WRN: variants seen among roughly 807,000 people sequenced by gnomAD.
WRN encodes the protein bifunctional 3'-5' exonuclease/ATP-dependent helicase WRN.
In WRN, 149 loss-of-function variants were observed where a neutral mutation model predicts 180.7. The observed-to-expected ratio is 0.82, with a 90% CI of 0.72 to 0.94. The LOEUF (loss-of-function observed/expected upper bound fraction) is 0.94. WRN is among the 40% of genes least tolerant of loss of function. The pLI is 0.00. For missense variants in WRN, 1,661 were observed against 1,700.1 expected (o/e 0.98, Z 0.40); for synonymous variants, 548 against 568.9 (o/e 0.96, Z 0.52).
chr8:31,120,528 A>T, intron 21 of WRN, 104 bp downstream of exon 21: 26 of 1,019,290 alleles, frequency 2.6e-5, no homozygotes, highest in Non-Finnish European at 3.5e-5. Context: ...GTAATTTGTG[A>T]GTGCATTTAA....
Position 31,147,424 on chromosome 8 carries a change from C to T in WRN, c.3520C>T (p.Pro1174Ser). ...GAAACATGCCAATAAAATGGATGTT[C>T]CCCCAGCTATTCTGGCAACAAACAA... ...RQKHANKMDVPPAILATNKIL... is the reference protein window; with the variant it reads ...RQKHANKMDVSPAILATNKIL... The change falls in exon 30 of 35, where the codon CCC (proline) becomes TCC (serine). Residue 1174 changes from proline to serine, a missense_variant. By Grantham distance (74) the Pro-to-Ser change is moderately conservative. Coordinates refer to ENST00000298139, the MANE Select transcript of WRN (RefSeq NM_000553.6). The T allele has an allele frequency of 1.2e-6, 2 of 1,613,990 alleles. No homozygotes were observed. Among genetic ancestry groups the T allele is most frequent in the Non-Finnish European group, 1.7e-6 (2 of 1,179,960 alleles).
chr8:31,043,943 T>C (rs1260990464), intron 1 of WRN, among the ~76,000 whole-genome samples: 1 of 151,740 alleles, frequency 6.6e-6, no homozygotes, highest in Non-Finnish European at 1.5e-5. Flanking sequence ...TTGCAAAATA[T>C]CTGATTTTTC....
At chr8:31,125,026 C>T in intron 23 of WRN, 26 bp downstream of exon 23, 3 of 1,589,904 alleles carry the variant, frequency 1.9e-6, no homozygotes, top group African/African-American at 1.3e-5. Context: ...TATAGATGGA[C>T]ATTCTAAAAG....
At chr8:31,105,880 G>A (rs995160546) in intron 18 of WRN, among the ~76,000 whole-genome samples, 18 of 152,280 alleles carry the variant, frequency 1.2e-4, no homozygotes, top group Middle Eastern at 3.4e-3. Context: ...ATTTGGTGTT[G>A]TCACTATTAG....
At chr8:31,153,448 T>C (rs1477177712) in intron 31 of WRN, among the ~76,000 whole-genome samples, 1 of 152,184 alleles carries the variant, frequency 6.6e-6, no homozygotes, top group Non-Finnish European at 1.5e-5. Context: ...GCAGCTATTA[T>C]GAAGCTGTAA....
At chr8:31,132,301 CTT>C in intron 23 of WRN, 62 bp from the exon 24 acceptor site, 2 of 1,564,730 alleles carry the variant, frequency 1.3e-6, no homozygotes, top group Admixed American at 1.9e-5. Context: ...TATGCTAAAT[CTT>C]TTGATTTCTA....
Position 31,174,725 on chromosome 8 carries a change from T to TTCC in WRN, c.*1637_*1639dup, listed in dbSNP as rs201575213. On this transcript the variant is annotated 3_prime_UTR_variant, in exon 35 of 35. Coordinates refer to ENST00000298139, the MANE Select transcript of WRN (RefSeq NM_000553.6). Reference sequence around the variant, plus strand: ...CTTCTCCTTCTTCCTTCTTCCTTCCTTCCTCCTCCTCCTCCTTCTTCTTCC... The same window carrying TTCC: ...CTTCTCCTTCTTCCTTCTTCCTTCCTTCCTCCTCCTCCTCCTCCTTCTTCTTCC... 5.6e-3 allele frequency among the ~76,000 whole-genome samples: 852 copies of TTCC among 151,520 alleles called. 6 individuals carry two copies. The highest frequency in any genetic ancestry group is 9.2e-3 in the Non-Finnish European group (624 of 67,822).
intron 8 of WRN, among the ~76,000 whole-genome samples, chr8:31,078,945 G>A (rs932837952): frequency 1.3e-5 from 2 of 152,148 alleles, no homozygotes; most frequent in African/African-American, 4.8e-5. Context: ...TAGTCAATCT[G>A]TGCCACTGTT....
chr8:31,113,667 C>T (rs1801407323), intron 19 of WRN, among the ~76,000 whole-genome samples: 1 of 152,122 alleles, frequency 6.6e-6, no homozygotes. Flanking sequence ...CTTTTTAAAG[C>T]AGTTTGCCTT....
intron 5 of WRN, among the ~76,000 whole-genome samples, chr8:31,066,678 A>G (rs1168916356): frequency 1.3e-5 from 2 of 151,998 alleles, no homozygotes; most frequent in African/African-American, 4.8e-5. Flanking sequence ...TATCAATTCC[A>G]TCACCTGTAT....
chr8:31,141,889 T>G, intron 26 of WRN, 114 bp downstream of exon 26: 1 of 999,138 alleles, frequency 1.0e-6, no homozygotes, highest in Admixed American at 2.0e-5. Context: ...CCTGTTTGTT[T>G]TTGTATGCCT....
chr8:31,157,425 C>G lies in WRN; in HGVS notation c.3877C>G (p.Gln1293Glu), dbSNP rs1803429007. 6.2e-7 allele frequency: 1 copy of G among 1,614,110 alleles called. No individual in the cohort carries two copies. Among genetic ancestry groups the G allele is most frequent in the South Asian group, 1.1e-5 (1 of 91,076 alleles). Residue 1293 changes from glutamine (Q) to glutamate (E), a missense_variant, in exon 33 of 35, where the codon CAA (glutamine) becomes GAA (glutamate). Gln to Glu is a conservative substitution (Grantham distance 29). Coordinates refer to ENST00000298139, the MANE Select transcript of WRN (RefSeq NM_000553.6). Reference sequence around the variant, plus strand: ...CATGACAATTGGCATGCACTTATCCCAAGCGGTGAAAGCTGGCTGCCCCCT... The same window carrying G: ...CATGACAATTGGCATGCACTTATCCGAAGCGGTGAAAGCTGGCTGCCCCCT... ...PLMTIGMHLS[Q>E]AVKAGCPLDL...
Position 31,124,917 on chromosome 8 carries a change from G to A in WRN, c.2742G>A (p.Leu914=), listed in dbSNP as rs1554529230. The change falls in exon 23 of 35, where the codon TTG becomes TTA. Residue 914 remains leucine, a synonymous_variant. Transcript: ENST00000298139. ...HSSRCRRQII[L]SHFEDKQVQK... ...ATTTTGTCTTGGGTAGAATCATCTT[G>A]TCTCATTTTGAGGACAAACAAGTAC... 1.2e-6 allele frequency: 2 copies of A among 1,612,724 alleles called. No homozygotes were observed. The highest frequency in any genetic ancestry group is 1.7e-6 in the Non-Finnish European group (2 of 1,179,280).
At chr8:31,077,850 G>C (rs1223234311) in intron 8 of WRN, among the ~76,000 whole-genome samples, 2 of 152,148 alleles carry the variant, frequency 1.3e-5, no homozygotes, top group Non-Finnish European at 2.9e-5. Context: ...TATCTCTGAA[G>C]AACAAAGAGA....
intron 1 of WRN, among the ~76,000 whole-genome samples, chr8:31,050,078 T>A (rs927204376): frequency 6.6e-6 from 1 of 152,094 alleles, no homozygotes; most frequent in African/African-American, 2.4e-5. Context: ...AAAGCAGAAT[T>A]TTCCAAATAA....
chr8:31,058,508 G>A lies in WRN; in HGVS notation c.61G>A (p.Val21Met), dbSNP rs1368307834. 6.2e-7 allele frequency: 1 copy of A among 1,613,704 alleles called. No homozygotes were observed. The highest frequency in any genetic ancestry group is 1.3e-5 in the African/African-American group (1 of 74,912). ...QQRKCPEWMNVQNKRCAVEER... is the reference protein window; with the variant it reads ...QQRKCPEWMNMQNKRCAVEER... ...GCGGAAATGTCCTGAATGGATGAAT[G>A]TGCAGAATAAAAGATGTGCTGTAGA... is the stretch of plus-strand genomic sequence containing the variant. The change falls in exon 2 of 35, where the codon GTG (valine) becomes ATG (methionine). Residue 21 changes from valine (V) to methionine (M), a missense_variant. Transcript: ENST00000298139.
chr8:31,149,455 GTTTTTTTTTTT>G (rs71208105), intron 30 of WRN, among the ~76,000 whole-genome samples: 1,031 of 51,820 alleles, frequency 0.02, 25 homozygotes, highest in African/African-American at 0.073. Flanking sequence ...TAATAGAGGT[GTTTTTTTTTTT>G]TTTTTTTTTT....
In WRN at chr8:31,090,884, A is replaced by C. The variant is rs1813722003; in HGVS notation, c.1771A>C (p.Ile591Leu). The C allele has an allele frequency of 1.2e-6, 2 of 1,612,924 alleles. 1 individual carries two copies. The highest frequency in any genetic ancestry group is 2.7e-5 in the African/African-American group (2 of 74,860). The change falls in exon 15 of 35, where the codon ATT becomes CTT. Residue 591 changes from isoleucine to leucine, a missense_variant. Coordinates refer to ENST00000298139, the MANE Select transcript of WRN (RefSeq NM_000553.6). ...GTATCCACCTGTTTATGTAGGCAAG[A>C]TTGGCCTTGTTATCTCTCCCCTTAT... Reference protein sequence around the residue: ...FQYPPVYVGKIGLVISPLISL... With the variant: ...FQYPPVYVGKLGLVISPLISL...
rs141563618 is a variant in WRN at position 31,111,640 on chromosome 8, C to T, written c.2114C>T (p.Thr705Ile). 2.4e-4 allele frequency: 392 copies of T among 1,614,036 alleles called. No homozygotes were observed. Among genetic ancestry groups the T allele is most frequent in the Non-Finnish European group, 3.1e-4 (365 of 1,179,964 alleles). ...PMVPIVALTATASSSIREDIV... is the reference protein window; with the variant it reads ...PMVPIVALTAIASSSIREDIV... ...GTTCCAATCGTTGCACTTACTGCTACTGCAAGTTCTTCAATCCGGGAAGAC... is the reference window on the plus strand; with the variant it reads ...GTTCCAATCGTTGCACTTACTGCTATTGCAAGTTCTTCAATCCGGGAAGAC... Residue 705 changes from threonine to isoleucine, a missense_variant, in exon 19 of 35, where the codon ACT (threonine) becomes ATT (isoleucine). Physicochemically the swap from Thr to Ile is moderately conservative, Grantham distance 89. Around this residue, in one of 3 missense-constraint regions of WRN, gnomAD observed 1,141 missense variants for 1,149.4 expected, o/e 0.99. Coordinates refer to ENST00000298139, the MANE Select transcript of WRN (RefSeq NM_000553.6).
Sources: gnomAD v4.1 joint callset for allele counts (sites outside exome capture counted in the v4.1 genomes callset) on GRCh38, gnomAD v4.1.1 for gene constraint, gnomAD v4.1.1 regional missense constraint, MANE v1.5 for transcripts, NCBI Gene and HGNC (gene_info 2026-07-23, HGNC 2026-07-21) for gene names.